The following SORCS2 variants were observed in gnomAD, a reference collection of about 807,000 sequenced individuals.
The protein encoded by SORCS2 is sortilin related VPS10 domain containing receptor 2.
A neutral mutation model predicts 141.6 loss-of-function variants in SORCS2; 100 were observed. That is an observed-to-expected ratio of 0.71 (90% CI 0.60 to 0.83). The LOEUF is 0.83. Ranked by LOEUF, SORCS2 falls within the 40% of genes least tolerant of loss-of-function variation. SORCS2 has a pLI of 0.00. For synonymous variants in SORCS2, 789 were observed against 676.9 expected (o/e 1.17, Z -2.57); for missense variants, 1,646 against 1,560.2 (o/e 1.05, Z -0.93).
intron 9 of SORCS2, among the ~76,000 whole-genome samples, chr4:7,677,364 G>A (rs1398310490): frequency 6.6e-6 from 1 of 152,264 alleles, no homozygotes; most frequent in African/African-American, 2.4e-5. Flanking sequence ...CATGGCCAGC[G>A]AGGGGGGCTA....
chr4:7,577,000 T>C (rs1028777587), intron 3 of SORCS2, among the ~76,000 whole-genome samples: 1 of 152,212 alleles, frequency 6.6e-6, no homozygotes, highest in Non-Finnish European at 1.5e-5. Flanking sequence ...TGAATCCCCA[T>C]GAGGACAGAT....
chr4:7,733,062 C>G (rs1166952225), intron 23 of SORCS2, among the ~76,000 whole-genome samples: 5 of 149,890 alleles, frequency 3.3e-5, no homozygotes, highest in Non-Finnish European at 7.4e-5. Flanking sequence ...TGGATCCCAG[C>G]AGACCTTGCT....
chr4:7,628,387 C>A (rs545128757), intron 3 of SORCS2, among the ~76,000 whole-genome samples: 1 of 151,936 alleles, frequency 6.6e-6, no homozygotes, highest in African/African-American at 2.4e-5. Flanking sequence ...GGCGTGGTGG[C>A]GGGCGCCTGT....
chr4:7,425,333 A>T (rs996751813), intron 2 of SORCS2, among the ~76,000 whole-genome samples: 1 of 152,048 alleles, frequency 6.6e-6, no homozygotes, highest in Non-Finnish European at 1.5e-5. Flanking sequence ...TGGGCAAGAG[A>T]CGTCCCCTTG....
At chr4:7,209,945 T>G (rs1706131629) in intron 1 of SORCS2, among the ~76,000 whole-genome samples, 1 of 152,210 alleles carries the variant, frequency 6.6e-6, no homozygotes, top group African/African-American at 2.4e-5. Flanking sequence ...AGGGGTGAAG[T>G]CCATGGTTGG....
chr4:7,636,612 G>A (rs901293057), intron 3 of SORCS2, among the ~76,000 whole-genome samples: 1 of 152,008 alleles, frequency 6.6e-6, no homozygotes, highest in African/African-American at 2.4e-5. Flanking sequence ...GCGATGTCCC[G>A]AATCTGACCA....
At chr4:7,422,213 T>C (rs1726125457) in intron 2 of SORCS2, among the ~76,000 whole-genome samples, 1 of 152,194 alleles carries the variant, frequency 6.6e-6, no homozygotes, top group South Asian at 2.1e-4. Flanking sequence ...GACCTTCTCC[T>C]GTCACTGCCC....
At chr4:7,229,853 A>G (rs879625506) in intron 1 of SORCS2, among the ~76,000 whole-genome samples, 1 of 147,686 alleles carries the variant, frequency 6.8e-6, no homozygotes, top group Non-Finnish European at 1.5e-5. Flanking sequence ...AAGATGGTCA[A>G]GTCTTCGAGT....
At chr4:7,493,992 C>T (rs1731459270) in intron 2 of SORCS2, among the ~76,000 whole-genome samples, 1 of 151,496 alleles carries the variant, frequency 6.6e-6, no homozygotes, top group African/African-American at 2.4e-5. Flanking sequence ...GACAGCAAGA[C>T]CTATACACAC....
chr4:7,542,287 T>A (rs1298784199), intron 3 of SORCS2, among the ~76,000 whole-genome samples: 2 of 152,268 alleles, frequency 1.3e-5, no homozygotes. Flanking sequence ...CAAAAAAATA[T>A]GTCCGTGTCA....
intron 3 of SORCS2, among the ~76,000 whole-genome samples, chr4:7,635,387 A>ATTCT (rs778864883): frequency 6.6e-4 from 101 of 152,286 alleles, no homozygotes; most frequent in Middle Eastern, 3.4e-3. Context: ...ATCTGAAACT[A>ATTCT]TTCTATCAAA....
chr4:7,651,164 G>C lies in SORCS2; in HGVS notation c.814-2970G>C, dbSNP rs1303701042. On this transcript the variant is annotated intron_variant, in intron 4 of 26. Transcript: ENST00000507866. ...AACACCGAGCCAGAGTCAGAGGAGA[G>C]GCAAGGGAAAAGGGACAGAGTCTCC... Among the ~76,000 whole-genome samples, 3 of 152,192 alleles carry C rather than the reference G, an allele frequency of 2.0e-5. No homozygotes were observed. The East Asian group carries it at 5.8e-4, about 29-fold the overall frequency.
intron 1 of SORCS2, among the ~76,000 whole-genome samples, chr4:7,394,586 T>G (rs1455365530): frequency 6.6e-6 from 1 of 151,168 alleles, no homozygotes; most frequent in Non-Finnish European, 1.5e-5. Context: ...ATGCTGGGGT[T>G]TAGAATGAGG....
intron 1 of SORCS2, among the ~76,000 whole-genome samples, chr4:7,350,198 T>C (rs751063405): frequency 6.6e-6 from 1 of 152,214 alleles, no homozygotes; most frequent in Non-Finnish European, 1.5e-5. Context: ...CGAATTTCCC[T>C]GAAGGGAATC....
At chr4:7,312,286 A>G (rs1718234659) in intron 1 of SORCS2, among the ~76,000 whole-genome samples, 1 of 152,220 alleles carries the variant, frequency 6.6e-6, no homozygotes. Flanking sequence ...GTTATAGCTA[A>G]GAAAGCTTCT....
chr4:7,689,559 A>T lies in SORCS2; in HGVS notation c.1562A>T (p.Asp521Val), dbSNP rs1191729971. The T allele has an allele frequency of 6.2e-7, 1 of 1,603,844 alleles. No homozygotes were observed. Among genetic ancestry groups the T allele is most frequent in the South Asian group, 1.1e-5 (1 of 88,748 alleles). The change falls in exon 11 of 27, where the codon GAC becomes GTC. Residue 521 changes from aspartate to valine, a missense_variant. Asp to Val is a radical substitution (Grantham distance 152). Coordinates refer to ENST00000507866, the MANE Select transcript of SORCS2 (RefSeq NM_020777.3). ...PYVSGTVHTK[D>V]TAPGLIMGAG... is the part of the protein sequence containing the mutation. The stretch of plus-strand genomic sequence containing the variant: ...GTATCAGGCACCGTGCACACCAAGG[A>T]CACCGCCCCAGGCCTCATCATGGGT...
intron 1 of SORCS2, among the ~76,000 whole-genome samples, chr4:7,362,555 G>A (rs970600473): frequency 3.3e-5 from 5 of 152,148 alleles, no homozygotes; most frequent in African/African-American, 1.2e-4. Context: ...CTGGACAAAT[G>A]TGTTGGTGCT....
chr4:7,338,152 G>C (rs1428424870), intron 1 of SORCS2, among the ~76,000 whole-genome samples: 1 of 151,942 alleles, frequency 6.6e-6, no homozygotes, highest in African/African-American at 2.4e-5. Flanking sequence ...TTGCATGGAT[G>C]GATGTTGGTT....
chr4:7,374,183 CTTTCTTTCTTTCTTTT>C (rs1722479345), intron 1 of SORCS2, among the ~76,000 whole-genome samples: 3 of 124,878 alleles, frequency 2.4e-5, no homozygotes, highest in African/African-American at 6.1e-5. Flanking sequence ...TTCTTTCTTT[CTTTCTTTCTTTCTTTT>C]TTGCAGAGAG....
Sources: gnomAD v4.1 joint callset for allele counts (sites outside exome capture counted in the v4.1 genomes callset) on GRCh38, gnomAD v4.1.1 for gene constraint, MANE v1.5 for transcripts, NCBI Gene and HGNC (gene_info 2026-07-23, HGNC 2026-07-21) for gene names.